CMSS1: variants seen among roughly 807,000 people sequenced by gnomAD.
The protein encoded by CMSS1 is protein CMSS1.
In CMSS1, 33 loss-of-function variants were observed where a neutral mutation model predicts 43.5. That is an observed-to-expected ratio of 0.76 (90% confidence interval 0.57 to 1.01). The LOEUF is 1.01. Ranked by LOEUF, CMSS1 falls within the 50% of genes least tolerant of loss-of-function variation. The pLI is 0.00. For synonymous variants in CMSS1, 115 were observed against 117.2 expected (o/e 0.98, Z 0.12); for missense variants, 313 against 326.4 (o/e 0.96, Z 0.32).
intron 1 of CMSS1, among the ~76,000 whole-genome samples, chr3:99,946,302 T>C (rs1418676623): frequency 6.6e-6 from 1 of 152,250 alleles, no homozygotes; most frequent in Non-Finnish European, 1.5e-5. Flanking sequence ...AACTATGTCT[T>C]CACTCAGTCA....
intron 1 of CMSS1, among the ~76,000 whole-genome samples, chr3:100,014,037 T>G (rs1436603221): frequency 6.6e-6 from 1 of 152,046 alleles, no homozygotes; most frequent in African/African-American, 2.4e-5. Context: ...GAATTTGATT[T>G]TTTAAGATTC....
At chr3:99,877,707 A>T (rs1705582371) in intron 1 of CMSS1, among the ~76,000 whole-genome samples, 1 of 152,204 alleles carries the variant, frequency 6.6e-6, no homozygotes, top group African/African-American at 2.4e-5. Context: ...TAATCTTTTT[A>T]GTCTCCTGTG....
intron 1 of CMSS1, among the ~76,000 whole-genome samples, chr3:99,865,055 G>T (rs1349638794): frequency 6.6e-6 from 1 of 152,086 alleles, no homozygotes; most frequent in African/African-American, 2.4e-5. Context: ...TTTGAAATAG[G>T]TACCATATTT....
chr3:99,899,477 A>G (rs1706366487), intron 1 of CMSS1, among the ~76,000 whole-genome samples: 1 of 152,220 alleles, frequency 6.6e-6, no homozygotes, highest in South Asian at 2.1e-4. Context: ...TATATTAATG[A>G]CACAACTAAA....
chr3:100,160,419 T>C lies in CMSS1; in HGVS notation c.154-11T>C. The C allele has an allele frequency of 7.3e-7, 1 of 1,376,940 alleles. No individual in the cohort carries two copies. Among genetic ancestry groups the C allele is most frequent in the South Asian group, 1.2e-5 (1 of 83,270 alleles). The allele number at this position is 1,376,940 out of a possible 1,614,324, so 85.3% of individuals were successfully genotyped here. A position where few individuals can be genotyped will look rare whatever the true frequency, so the allele number is the denominator to read the frequency against. ...AAAGATTAAAATGTTCTCATTTGTA[T>C]TTCTTAATAGCCTAAAGAATGTTTT... On this transcript the variant is annotated splice_polypyrimidine_tract_variant and intron_variant, in intron 2 of 9. Transcript: ENST00000421999.
chr3:100,123,280 A>G (rs1182344418), intron 1 of CMSS1, among the ~76,000 whole-genome samples: 2 of 152,118 alleles, frequency 1.3e-5, no homozygotes, highest in Non-Finnish European at 2.9e-5. Context: ...TCTGAGAACA[A>G]TAGGTGTGAA....
chr3:99,897,080 C>T (rs1706279145), intron 1 of CMSS1, among the ~76,000 whole-genome samples: 1 of 151,992 alleles, frequency 6.6e-6, no homozygotes, highest in Non-Finnish European at 1.5e-5. Flanking sequence ...AACTTTTGGC[C>T]AAGCATGGTG....
chr3:100,104,167 C>T (rs1270171192), intron 1 of CMSS1, among the ~76,000 whole-genome samples: 1 of 152,152 alleles, frequency 6.6e-6, no homozygotes, highest in African/African-American at 2.4e-5. Flanking sequence ...CTCTCACCCC[C>T]ACCCCCATTG....
intron 1 of CMSS1, among the ~76,000 whole-genome samples, chr3:100,109,359 T>A (rs2066449445): frequency 1.3e-5 from 2 of 152,146 alleles, no homozygotes; most frequent in Admixed American, 1.3e-4. Flanking sequence ...AAATTACCTC[T>A]TATATAACGT....
chr3:99,888,361 A>G (rs1013374500), intron 1 of CMSS1, among the ~76,000 whole-genome samples: 6 of 151,998 alleles, frequency 3.9e-5, no homozygotes, highest in Non-Finnish European at 5.9e-5. Flanking sequence ...GTGAGACTCC[A>G]TAGCTTAAAA....
In CMSS1 at chr3:100,030,113, G is replaced by A. The variant is rs1288646571; in HGVS notation, c.65-116860G>A. 6.6e-5 allele frequency among the ~76,000 whole-genome samples: 10 copies of A among 152,158 alleles called. No homozygotes were observed. In the South Asian group the frequency reaches 1.4e-3, roughly 22 times the overall value. On this transcript the variant is annotated intron_variant, in intron 1 of 9. Transcript: ENST00000421999. ...ACAGATAAGGAAACGGAGACCCAAC[G>A]AGCACCAAACACTTGCCTAAAGTCA...
chr3:99,862,568 C>T (rs374848003), intron 1 of CMSS1, among the ~76,000 whole-genome samples: 2 of 152,192 alleles, frequency 1.3e-5, no homozygotes, highest in Admixed American at 1.3e-4. Flanking sequence ...CATCCCTGAT[C>T]TCTACCTACT....
At chr3:100,035,750 A>T (rs1191849077) in intron 1 of CMSS1, among the ~76,000 whole-genome samples, 3 of 152,230 alleles carry the variant, frequency 2.0e-5, no homozygotes, top group Non-Finnish European at 2.9e-5. Flanking sequence ...ATTCAAATGT[A>T]GAGAGAAATG....
chr3:99,935,339 T>A (rs73858966), intron 1 of CMSS1, among the ~76,000 whole-genome samples: 14,967 of 151,880 alleles, frequency 0.099, 901 homozygotes, highest in African/African-American at 0.16. Flanking sequence ...AGTGCTGACC[T>A]AGTACCTAGT....
intron 1 of CMSS1, among the ~76,000 whole-genome samples, chr3:99,963,496 A>G (rs1708553873): frequency 6.6e-6 from 1 of 152,222 alleles, no homozygotes; most frequent in African/African-American, 2.4e-5. Flanking sequence ...CAACTGCTTG[A>G]AAGTATTAGA....
At chr3:100,175,180 T>C (rs1333816083) in intron 8 of CMSS1, among the ~76,000 whole-genome samples, 1 of 152,230 alleles carries the variant, frequency 6.6e-6, no homozygotes, top group Non-Finnish European at 1.5e-5. Context: ...CTATTATAAA[T>C]AATGTGGCAA....
chr3:99,826,028 C>T (rs949409292), intron 1 of CMSS1, among the ~76,000 whole-genome samples: 2 of 152,046 alleles, frequency 1.3e-5, no homozygotes, highest in East Asian at 1.9e-4. Flanking sequence ...CGCCTGCCTC[C>T]GCCTCCCAAA....
At chr3:99,879,529 C>T (rs183480521) in intron 1 of CMSS1, among the ~76,000 whole-genome samples, 2 of 152,284 alleles carry the variant, frequency 1.3e-5, no homozygotes, top group East Asian at 3.9e-4. Context: ...TCTTCTCTCC[C>T]TGCCTTTGTT....
At chr3:99,822,590 G>C (rs1942458925) in intron 1 of CMSS1, among the ~76,000 whole-genome samples, 1 of 152,088 alleles carries the variant, frequency 6.6e-6, no homozygotes, top group African/African-American at 2.4e-5. Flanking sequence ...AAATTAGCTG[G>C]GCGTGGTGGC....
Sources: gnomAD v4.1 joint callset for allele counts (sites outside exome capture counted in the v4.1 genomes callset) on GRCh38, gnomAD v4.1.1 for gene constraint, MANE v1.5 for transcripts, NCBI Gene and HGNC (gene_info 2026-07-23, HGNC 2026-07-21) for gene names.